DNAH6: variants seen among roughly 807,000 people sequenced by gnomAD.
DNAH6 encodes the protein dynein axonemal heavy chain 6.
A neutral mutation model predicts 491.4 loss-of-function variants in DNAH6; 340 were observed. The observed-to-expected ratio is 0.69, with a 90% CI of 0.63 to 0.76. The LOEUF (loss-of-function observed/expected upper bound fraction) is 0.76. Among genes scored for constraint, DNAH6 ranks in the 30% least tolerant of loss-of-function variants. The pLI is 0.00. For synonymous variants in DNAH6, 1,603 were observed against 1,686.1 expected (o/e 0.95, Z 1.21); for missense variants, 4,443 against 4,972.2 (o/e 0.89, Z 3.20).
At chr2:84,498,283 C>T in the DNAH6 span, among the ~76,000 whole-genome samples, 3 of 152,166 alleles carry the variant, frequency 2.0e-5, no homozygotes, top group Non-Finnish European at 2.9e-5. Context: ...CTCAAACTCA[C>T]TTTTTTGGCA....
At chr2:84,681,974 A>T (rs1163134731) in intron 42 of DNAH6, among the ~76,000 whole-genome samples, 1 of 149,120 alleles carries the variant, frequency 6.7e-6, no homozygotes, top group Admixed American at 6.8e-5. Flanking sequence ...TAATGGCATA[A>T]AAAGCCACTA....
intron 18 of DNAH6, among the ~76,000 whole-genome samples, chr2:84,599,598 T>C (rs897950009): frequency 1.3e-5 from 2 of 152,192 alleles, no homozygotes; most frequent in Admixed American, 1.3e-4. Flanking sequence ...CTTCAGTCAT[T>C]ATTTGGAAAT....
intron 2 of DNAH6, among the ~76,000 whole-genome samples, chr2:84,523,602 T>C (rs757735577): frequency 2.6e-5 from 4 of 152,138 alleles, no homozygotes; most frequent in Non-Finnish European, 5.9e-5. Flanking sequence ...TGCTATAAAT[T>C]TCCCTCTTAA....
intron 8 of DNAH6, 72 bp from the exon 9 acceptor site, chr2:84,549,817 T>C: frequency 9.2e-7 from 1 of 1,082,960 alleles, no homozygotes; most frequent in Non-Finnish European, 1.3e-6. Context: ...AAATATTTGC[T>C]TTAGAGACAC....
At chr2:84,642,872 G>A (rs77867345) in intron 33 of DNAH6, among the ~76,000 whole-genome samples, 5,725 of 152,074 alleles carry the variant, frequency 0.038, 147 homozygotes, top group Non-Finnish European at 0.052. Context: ...ATACATTGTT[G>A]CTATAACAAT....
At chr2:84,813,945 C>T (rs1218112919) in intron 74 of DNAH6, 26 bp from the exon 75 acceptor site, 3 of 1,550,960 alleles carry the variant, frequency 1.9e-6, no homozygotes, top group South Asian at 1.2e-5. Context: ...TGTTTGAACG[C>T]AGCTTTCCGA....
At chr2:84,626,842 G>A (rs1687914868) in intron 29 of DNAH6, among the ~76,000 whole-genome samples, 3 of 152,100 alleles carry the variant, frequency 2.0e-5, no homozygotes, top group Admixed American at 6.5e-5. Flanking sequence ...TCCTGACCTC[G>A]TGATCCACCC....
chr2:84,651,965 A>G (rs78194383), intron 33 of DNAH6, among the ~76,000 whole-genome samples: 25 of 142,872 alleles, frequency 1.7e-4, no homozygotes, highest in Non-Finnish European at 3.0e-4. Context: ...TTTTTTTTTT[A>G]CTGCTGCTAG....
chr2:84,617,757 T>C (rs1209744804), intron 23 of DNAH6, among the ~76,000 whole-genome samples: 1 of 152,090 alleles, frequency 6.6e-6, no homozygotes, highest in Non-Finnish European at 1.5e-5. Flanking sequence ...CGGTGTTGCC[T>C]GAGCAATTTT....
chr2:84,681,240 C>A, intron 41 of DNAH6, 117 bp from the exon 42 acceptor site: 1 of 859,020 alleles, frequency 1.2e-6, no homozygotes, highest in Non-Finnish European at 1.7e-6. Flanking sequence ...TACCAGAAGA[C>A]TTTGTGTTGG....
chr2:84,714,520 A>G (rs1697342535), intron 57 of DNAH6, among the ~76,000 whole-genome samples: 1 of 152,156 alleles, frequency 6.6e-6, no homozygotes, highest in Non-Finnish European at 1.5e-5. Context: ...TAGATAGACT[A>G]AATAAGATTT....
chr2:84,713,446 T>C (rs1697241422), intron 57 of DNAH6, among the ~76,000 whole-genome samples, 187 bp downstream of exon 57: 1 of 152,212 alleles, frequency 6.6e-6, no homozygotes, highest in Non-Finnish European at 1.5e-5. Flanking sequence ...CTGATTCCAA[T>C]CACCCTTGTC....
chr2:84,810,325 A>G (rs2105332141), intron 72 of DNAH6, among the ~76,000 whole-genome samples: 1 of 152,346 alleles, frequency 6.6e-6, no homozygotes, highest in South Asian at 2.1e-4. Flanking sequence ...TCTTCCGTGA[A>G]TATTTGAATG....
intron 2 of DNAH6, among the ~76,000 whole-genome samples, chr2:84,519,715 T>C (rs888986127): frequency 6.6e-6 from 1 of 151,484 alleles, no homozygotes; most frequent in Non-Finnish European, 1.5e-5. Flanking sequence ...TCTTTTCTAC[T>C]CTTCTTCTTT....
chr2:84,776,026 A>C (rs900456844), intron 64 of DNAH6, among the ~76,000 whole-genome samples: 2 of 152,154 alleles, frequency 1.3e-5, no homozygotes, highest in Non-Finnish European at 2.9e-5. Context: ...TTGGTATGAC[A>C]CTTGGATAGT....
In DNAH6 at chr2:84,812,421, C is replaced by T. The variant is rs1273328054; in HGVS notation, c.11820C>T (p.Phe3940=). Residue 3940 remains phenylalanine (F), a synonymous_variant, in exon 73 of 77, where the codon TTC becomes TTT. Transcript: ENST00000389394. ...AAATGGAAAAAGTGTATAACAGTTT[C>T]CTCAACAACCAGGTTCCCGCTCTGT... The part of the protein sequence containing the change: ...SEEMEKVYNS[F]LNNQVPALWS... 4.5e-6 allele frequency: 7 copies of T among 1,551,814 alleles called. No homozygotes were observed. Among genetic ancestry groups the T allele is most frequent in the South Asian group, 1.2e-5 (1 of 84,058 alleles).
intron 68 of DNAH6, among the ~76,000 whole-genome samples, chr2:84,795,333 T>C (rs1361370305): frequency 6.6e-6 from 1 of 151,926 alleles, no homozygotes; most frequent in Non-Finnish European, 1.5e-5. Context: ...TAAAATAAAA[T>C]AAAATAAAAT....
At chr2:84,798,859 C>T (rs993655513) in intron 70 of DNAH6, among the ~76,000 whole-genome samples, 7 of 152,214 alleles carry the variant, frequency 4.6e-5, no homozygotes, top group Non-Finnish European at 1.0e-4. Context: ...CTCCCCAGGA[C>T]TCAAGCACAC....
chr2:84,772,466 G>A (rs1213536068), intron 64 of DNAH6, among the ~76,000 whole-genome samples: 5 of 151,920 alleles, frequency 3.3e-5, no homozygotes, highest in East Asian at 1.9e-4. Context: ...AGAGATTCAC[G>A]TTAGATCCAA....
Sources: allele counts gnomAD v4.1 joint callset (sites outside exome capture counted in the v4.1 genomes callset), GRCh38; gene constraint gnomAD v4.1.1; transcripts MANE v1.5; gene names NCBI Gene and HGNC (gene_info 2026-07-23, HGNC 2026-07-21).